CMC2: variants seen among roughly 807,000 people sequenced by gnomAD.
CMC2 encodes the protein C-X9-C motif containing 2, also known as COX assembly mitochondrial protein 2 homolog.
Under a neutral mutation model 7.5 loss-of-function variants are expected in CMC2, and 5 were observed. The observed-to-expected ratio is 0.66, with a 90% CI of 0.35 to 1.40. CMC2 has a LOEUF of 1.40. Ranked by LOEUF, CMC2 falls within the 40% of genes most tolerant of loss-of-function variation. CMC2 has a pLI of 0.04. For missense variants in CMC2, 115 were observed against 92.3 expected, an observed-to-expected ratio of 1.25 and a Z score of -1.01; for synonymous variants, 37 against 31.4, an observed-to-expected ratio of 1.18 and a Z score of -0.60.
At chr16:81,006,609 G>T in intron 1 of CMC2, 125 bp downstream of exon 1, 1 of 702,490 alleles carries the variant, frequency 1.4e-6, no homozygotes, top group Non-Finnish European at 1.8e-6. Context: ...CGGCAGCCGG[G>T]TCTTCCTGGT....
Position 80,971,557 on chromosome 16 carries a change from ATACATTT to A in CMC2, c.*4529_*4535del, listed in dbSNP as rs1372629812. ...AATATGGCTATGGATACTGACATAC[ATACATTT>A]TATATATATATATATATATATGTAT... On this transcript the variant is annotated 3_prime_UTR_variant, in exon 4 of 4. Coordinates refer to ENST00000219400, the MANE Select transcript of CMC2 (RefSeq NM_020188.5). The A allele has an allele frequency of 9.7e-6, 1 of 103,242 alleles. No individual in the cohort carries two copies. Among genetic ancestry groups the A allele is most frequent in the African/African-American group, 5.7e-5 (1 of 17,488 alleles). The allele number at this position is 103,242 out of a possible 1,614,324, so 6.4% of individuals were successfully genotyped here. A position where few individuals can be genotyped will look rare whatever the true frequency, so the allele number is the denominator to read the frequency against.
intron 2 of CMC2, among the ~76,000 whole-genome samples, chr16:80,986,907 A>G (rs1237349374): frequency 1.3e-5 from 2 of 152,264 alleles, no homozygotes; most frequent in African/African-American, 4.8e-5. Flanking sequence ...TGAAACCAGG[A>G]AAGCGAATGA....
chr16:80,992,905 T>C (rs907877890), intron 2 of CMC2, among the ~76,000 whole-genome samples: 1 of 152,160 alleles, frequency 6.6e-6, no homozygotes, highest in Non-Finnish European at 1.5e-5. Flanking sequence ...TTGCCCAAGC[T>C]GGTCTGGAAC....
At chr16:80,988,608 A>G (rs1967728397) in intron 2 of CMC2, 1 of 701,512 alleles carries the variant, frequency 1.4e-6, no homozygotes, top group Non-Finnish European at 2.6e-6. Context: ...TAAAAAAAAC[A>G]AGGACTTAAA....
chr16:81,002,707 T>C (rs373226764), intron 1 of CMC2, among the ~76,000 whole-genome samples: 17 of 152,312 alleles, frequency 1.1e-4, no homozygotes, highest in African/African-American at 4.1e-4. Flanking sequence ...ATAACAAGTT[T>C]ACCTCAAATA....
At chr16:80,997,158 G>A in intron 2 of CMC2, 156 bp downstream of exon 2, 1 of 611,162 alleles carries the variant, frequency 1.6e-6, no homozygotes, top group Non-Finnish European at 2.9e-6. Context: ...GTAAAAAAAA[G>A]AAAAAAATCG....
intron 1 of CMC2, chr16:80,999,010 G>A (rs1041017820): frequency 6.6e-6 from 1 of 152,184 alleles, no homozygotes; most frequent in Non-Finnish European, 1.5e-5. Flanking sequence ...AAAGATGGAA[G>A]CATTTCCCTT....
At chr16:81,004,361 T>C (rs1969086649) in intron 1 of CMC2, among the ~76,000 whole-genome samples, 1 of 152,222 alleles carries the variant, frequency 6.6e-6, no homozygotes, top group Admixed American at 6.5e-5. Flanking sequence ...TAGAATAATA[T>C]TTAATTCCAG....
intron 3 of CMC2, chr16:80,980,784 A>G (rs887171847): frequency 1.4e-6 from 1 of 698,104 alleles, no homozygotes; most frequent in African/African-American, 1.8e-5. Context: ...CGTCCTAGCT[A>G]CTCAGGAGGC....
At chr16:80,995,726 T>A (rs1968364852) in intron 2 of CMC2, among the ~76,000 whole-genome samples, 1 of 152,098 alleles carries the variant, frequency 6.6e-6, no homozygotes, top group Non-Finnish European at 1.5e-5. Context: ...TTCATCTATA[T>A]CAACAAAAAG....
intron 2 of CMC2, 91 bp downstream of exon 2, chr16:80,997,223 G>A (rs771599019): frequency 2.9e-5 from 23 of 789,978 alleles, no homozygotes; most frequent in East Asian, 2.0e-4. Context: ...AGACATTATC[G>A]TTTCCTTCTA....
chr16:80,989,742 C>A (rs965388349), intron 2 of CMC2, among the ~76,000 whole-genome samples: 1 of 152,184 alleles, frequency 6.6e-6, no homozygotes, highest in African/African-American at 2.4e-5. Context: ...CATGAGTTCA[C>A]ACTGATACCT....
Position 80,979,271 on chromosome 16 carries a change from T to G in CMC2, c.153+2535A>C, listed in dbSNP as rs953805599. On this transcript the variant is annotated intron_variant, in intron 3 of 3. Transcript: ENST00000219400. ...AATTAGAGAATAAACATCTACAAATTAGAGAATAAAGTAACATAACTACAC... is the reference window on the plus strand; with the variant it reads ...AATTAGAGAATAAACATCTACAAATGAGAGAATAAAGTAACATAACTACAC... 3.3e-5 allele frequency among the ~76,000 whole-genome samples: 5 copies of G among 151,984 alleles called. No homozygotes were observed. The East Asian group carries it at 7.7e-4, about 24-fold the overall frequency.
intron 1 of CMC2, among the ~76,000 whole-genome samples, chr16:81,000,945 T>C (rs1391859288): frequency 6.6e-6 from 1 of 152,212 alleles, no homozygotes; most frequent in Non-Finnish European, 1.5e-5. Context: ...GGAATCAACC[T>C]AAGTGTCTAT....
intron 2 of CMC2, chr16:80,996,832 T>C (rs1055157112): frequency 1.4e-4 from 26 of 185,308 alleles, no homozygotes; most frequent in Non-Finnish European, 2.1e-4. Context: ...AACCATGTAA[T>C]TTTACTTCCA....
chr16:80,982,203 T>C, intron 2 of CMC2: 1 of 187,292 alleles, frequency 5.3e-6, no homozygotes, highest in Non-Finnish European at 1.1e-5. Context: ...GGCATAAATG[T>C]GTAAAACATG....
At chr16:80,997,272 A>C (rs1314475778) in intron 2 of CMC2, 42 bp downstream of exon 2, 1 of 1,076,338 alleles carries the variant, frequency 9.3e-7, no homozygotes, top group Non-Finnish European at 1.4e-6. Context: ...GGTTATAACT[A>C]AGTTTCATTT....
intron 2 of CMC2, among the ~76,000 whole-genome samples, chr16:80,993,285 C>T (rs13331458): frequency 0.12 from 18,417 of 152,046 alleles, 1,667 homozygotes; most frequent in African/African-American, 0.25. Flanking sequence ...CAAAGTGAAC[C>T]CTACATTCAC....
At chr16:80,985,953 T>C (rs1597232725) in intron 2 of CMC2, among the ~76,000 whole-genome samples, 1 of 127,402 alleles carries the variant, frequency 7.8e-6, no homozygotes, top group Non-Finnish European at 1.6e-5. Flanking sequence ...TGTGGGAGAG[T>C]GGTGAAGACT....
Sources: gnomAD v4.1 joint callset for allele counts (sites outside exome capture counted in the v4.1 genomes callset) on GRCh38, gnomAD v4.1.1 for gene constraint, MANE v1.5 for transcripts, NCBI Gene and HGNC (gene_info 2026-07-23, HGNC 2026-07-21) for gene names.